The following ANK3 variants were observed in gnomAD, a reference collection of about 807,000 sequenced individuals.
ANK3 encodes ankyrin 3, also known as ankyrin-3.
A neutral mutation model predicts 370.9 loss-of-function variants in ANK3; 57 were observed. The ratio of observed to expected loss-of-function variants is 0.15; its 90% CI spans 0.12 to 0.19. The LOEUF (loss-of-function observed/expected upper bound fraction) is 0.19, where lower values mean the gene tolerates loss of function less well. ANK3 is among the 10% of genes least tolerant of loss of function. The probability of loss-of-function intolerance (pLI) is 1.00; values close to 1 mark genes in which losing one functional copy is unlikely to be tolerated. For missense variants in ANK3, 4,439 were observed against 5,302.1 expected, an observed-to-expected ratio of 0.84 and a Z score of 5.06; for synonymous variants, 1,929 against 1,946.3, an observed-to-expected ratio of 0.99 and a Z score of 0.23.
chr10:60,336,618 G>C (rs932639738), intron 1 of ANK3, among the ~76,000 whole-genome samples: 1 of 151,790 alleles, frequency 6.6e-6, no homozygotes, highest in Non-Finnish European at 1.5e-5. Flanking sequence ...TAGCTAGCTG[G>C]CTTATCTATA....
At position 60,087,270 on chromosome 10, in the gene ANK3, C is replaced by T. The variant is rs1032039606; in HGVS notation, c.3541-386G>A. Among the ~76,000 whole-genome samples the T allele has an allele frequency of 5.3e-5, 8 of 152,222 alleles. No individual in the cohort carries two copies. The East Asian group carries it at 1.2e-3, about 22-fold the overall frequency. ...AAAACCTCCTAAAGGCAACTCATACCCACATAAAAACCGAGGCTTTCAGAG... is the reference window on the plus strand; with the variant it reads ...AAAACCTCCTAAAGGCAACTCATACTCACATAAAAACCGAGGCTTTCAGAG... On this transcript the variant is annotated intron_variant, in intron 29 of 43. Transcript: ENST00000280772.
At chr10:60,602,931 T>G (rs1174026222) in intron 2 of ANK3, among the ~76,000 whole-genome samples, 1 of 152,142 alleles carries the variant, frequency 6.6e-6, no homozygotes, top group Non-Finnish European at 1.5e-5. Flanking sequence ...ATATTTCATT[T>G]CACACATTTA....
At chr10:60,396,312 G>C (rs1420053616) in intron 2 of ANK3, among the ~76,000 whole-genome samples, 2 of 152,148 alleles carry the variant, frequency 1.3e-5, no homozygotes, top group East Asian at 3.9e-4. Flanking sequence ...AATAAATCAA[G>C]ACAGTGAGGA....
At chr10:60,456,675 T>C (rs1436948490) in intron 2 of ANK3, among the ~76,000 whole-genome samples, 1 of 152,116 alleles carries the variant, frequency 6.6e-6, no homozygotes, top group Non-Finnish European at 1.5e-5. Context: ...TCTAGCACCA[T>C]TCATTCTTGA....
At chr10:60,089,528 C>T (rs2087661274) in intron 28 of ANK3, among the ~76,000 whole-genome samples, 1 of 148,178 alleles carries the variant, frequency 6.7e-6, no homozygotes, top group Non-Finnish European at 1.5e-5. Context: ...TGTTTCAAAG[C>T]CAAATTTTAT....
In ANK3 at chr10:60,648,319, A is replaced by ATT. The variant is rs71018916; in HGVS notation, c.58-33097_58-33096dup. 4.7e-3 allele frequency among the ~76,000 whole-genome samples: 596 copies of ATT among 127,360 alleles called. 2 individuals carry two copies. Among genetic ancestry groups the ATT allele is most frequent in the South Asian group, 9.9e-3 (37 of 3,730 alleles). 83.6% of individuals were successfully genotyped at this position (127,360 alleles called of 152,430 possible). A position where few individuals can be genotyped will look rare whatever the true frequency, so the allele number is the denominator to read the frequency against. On this transcript the variant is annotated intron_variant, in intron 1 of 43. Coordinates refer to the ANK3 transcript ENST00000373827. The stretch of plus-strand genomic sequence containing the variant: ...AGGCATGAGCCACCATGCCCGGCTA[A>ATT]TTTTTTTTTTTTTGTATTTTTAATA...
In ANK3 at chr10:60,063,075, A is replaced by G. The variant is rs758446239; in HGVS notation, c.12595+36T>C. ...CTGACTGCACTTTCAAATTTTATCA[A>G]ATGATTAAATAAATATGAACACTAA... is the stretch of plus-strand genomic sequence containing the variant. On this transcript the variant is annotated intron_variant, in intron 40 of 43. Coordinates refer to ENST00000280772, the MANE Select transcript of ANK3 (RefSeq NM_020987.5). 12 of 1,583,404 alleles carry G rather than the reference A, an allele frequency of 7.6e-6. No individual in the cohort carries two copies. In the South Asian group the frequency reaches 1.4e-4, roughly 18 times the overall value.
rs148785030 is a variant in ANK3 at position 60,351,925 on chromosome 10, GA to G, written c.114+37499del. Among the ~76,000 whole-genome samples the G allele has an allele frequency of 3.5e-3, 523 of 148,462 alleles. 4 individuals are homozygous for G. The highest frequency in any genetic ancestry group is 0.012 in the African/African-American group (472 of 40,572). On this transcript the variant is annotated intron_variant, in intron 1 of 43. Transcript: ENST00000280772. ...AAAGACCAAGAAATGCATTTAGAAT[GA>G]AAAAAAAAATACCACTATAAAAGTA...
At chr10:60,416,776 T>A (rs1567022786) in intron 2 of ANK3, among the ~76,000 whole-genome samples, 1 of 152,200 alleles carries the variant, frequency 6.6e-6, no homozygotes, top group East Asian at 1.9e-4. Flanking sequence ...GCATAGAACA[T>A]TTTTATCACC....
At chr10:60,708,140 T>C (rs2079646881) in intron 1 of ANK3, among the ~76,000 whole-genome samples, 1 of 152,102 alleles carries the variant, frequency 6.6e-6, no homozygotes, top group South Asian at 2.1e-4. Context: ...TCATTATCAA[T>C]TTACCTCTAA....
chr10:60,028,544 T>A lies in ANK3; in HGVS notation c.*1302A>T, dbSNP rs1001439456. 1.3e-5 allele frequency: 2 copies of A among 152,588 alleles called. No individual in the cohort carries two copies. The highest frequency in any genetic ancestry group is 4.8e-5 in the African/African-American group (2 of 41,428). 9.5% of individuals were successfully genotyped at this position (152,588 alleles called of 1,614,324 possible). On this transcript the variant is annotated 3_prime_UTR_variant, in exon 44 of 44. Transcript: ENST00000280772. The stretch of plus-strand genomic sequence containing the variant: ...GAATATAATCAACAAATTAAAGAAT[T>A]TCACCAAAACCCAAATAAAAATGCC...
intron 1 of ANK3, among the ~76,000 whole-genome samples, chr10:60,720,544 A>G (rs1332172255): frequency 6.6e-6 from 1 of 152,206 alleles, no homozygotes; most frequent in Non-Finnish European, 1.5e-5. Flanking sequence ...GTCTTGCCAG[A>G]TTTCTAACAC....
chr10:60,466,574 C>G (rs1428468331), intron 2 of ANK3, among the ~76,000 whole-genome samples: 1 of 151,974 alleles, frequency 6.6e-6, no homozygotes, highest in Admixed American at 6.6e-5. Flanking sequence ...AGATATATAC[C>G]CTCCAAAACT....
At chr10:60,664,311 A>T (rs1311463842) in intron 1 of ANK3, among the ~76,000 whole-genome samples, 6 of 152,280 alleles carry the variant, frequency 3.9e-5, no homozygotes, top group Non-Finnish European at 8.8e-5. Context: ...ACATGAAATA[A>T]TAGTTATCAC....
intron 1 of ANK3, among the ~76,000 whole-genome samples, chr10:60,637,034 C>T (rs549590056): frequency 1.1e-4 from 16 of 152,340 alleles, no homozygotes; most frequent in African/African-American, 2.6e-4. Flanking sequence ...ACTCCAAACA[C>T]GCCCATAGTG....
intron 28 of ANK3, among the ~76,000 whole-genome samples, chr10:60,092,283 G>A (rs1431212790): frequency 1.3e-5 from 2 of 152,110 alleles, no homozygotes; most frequent in Non-Finnish European, 2.9e-5. Flanking sequence ...TCAGACCTCC[G>A]ATACATACTG....
rs142664017 is a variant in ANK3, at chr10:60,085,763, C to T, written c.3749-510G>A. On this transcript the variant is annotated intron_variant, in intron 30 of 43. Coordinates refer to ENST00000280772, the MANE Select transcript of ANK3 (RefSeq NM_020987.5). Reference sequence around the variant, plus strand: ...CCCCAGTAGCTGGGATTACAGGTGCCTGCGACCACGCCCAGCTAAGTTTTG... The same window carrying T: ...CCCCAGTAGCTGGGATTACAGGTGCTTGCGACCACGCCCAGCTAAGTTTTG... 2.4e-3 allele frequency among the ~76,000 whole-genome samples: 369 copies of T among 152,164 alleles called. 2 individuals are homozygous for T. The highest frequency in any genetic ancestry group is 8.6e-3 in the African/African-American group (355 of 41,516).
intron 21 of ANK3, 87 bp downstream of exon 21, chr10:60,172,220 TG>T: frequency 9.9e-7 from 1 of 1,015,208 alleles, no homozygotes; most frequent in Non-Finnish European, 1.5e-6. Context: ...AGTTTATGAA[TG>T]GGAAAAAATA....
At position 60,030,825 on chromosome 10, in the gene ANK3, C is replaced by T. The variant is rs751690569; in HGVS notation, c.*20-999G>A. On this transcript the variant is annotated intron_variant, in intron 43 of 43. Transcript: ENST00000280772. The stretch of plus-strand genomic sequence containing the variant: ...TTGGTGTTCGACTGTCCATTGTGCA[C>T]GGGCAAACACCCAGTTTGGTTTGGT... 3.3e-5 allele frequency among the ~76,000 whole-genome samples: 5 copies of T among 152,308 alleles called. No individual in the cohort carries two copies. The East Asian group carries it at 5.8e-4, about 18-fold the overall frequency.
Sources: gnomAD v4.1 joint callset for allele counts (sites outside exome capture counted in the v4.1 genomes callset) on GRCh38, gnomAD v4.1.1 for gene constraint, MANE v1.5 for transcripts, NCBI Gene and HGNC (gene_info 2026-07-23, HGNC 2026-07-21) for gene names.